Variants in PTPRD observed in about 807,000 individuals in gnomAD.
PTPRD encodes protein tyrosine phosphatase receptor type D.
Under a neutral mutation model 214.5 loss-of-function variants are expected in PTPRD, and 34 were observed. The ratio of observed to expected loss-of-function variants is 0.16; its 90% CI spans 0.12 to 0.21. PTPRD has a LOEUF of 0.21. Among genes scored for constraint, PTPRD ranks in the 10% least tolerant of loss-of-function variants. The pLI, the probability that PTPRD is intolerant of heterozygous loss-of-function variation, is 1.00. For missense variants in PTPRD, 2,545 were observed against 2,398.7 expected, an observed-to-expected ratio of 1.06 and a Z score of -1.27; for synonymous variants, 1,128 against 845.7, an observed-to-expected ratio of 1.33 and a Z score of -5.79.
At chr9:8,550,156 C>T (rs1269891010) in intron 14 of PTPRD, among the ~76,000 whole-genome samples, 1 of 152,138 alleles carries the variant, frequency 6.6e-6, no homozygotes, top group Non-Finnish European at 1.5e-5. Flanking sequence ...ATTAGGAAAA[C>T]AAAAAGTTGT....
At chr9:10,091,024 C>T (rs946349823) in intron 3 of PTPRD, among the ~76,000 whole-genome samples, 2 of 150,296 alleles carry the variant, frequency 1.3e-5, no homozygotes, top group Non-Finnish European at 3.0e-5. Flanking sequence ...TGACATTAGT[C>T]GCTGCTGTCA....
chr9:8,971,110 C>G (rs2099235509), intron 11 of PTPRD, among the ~76,000 whole-genome samples: 1 of 151,710 alleles, frequency 6.6e-6, no homozygotes, highest in South Asian at 2.1e-4. Context: ...AACAATTCTT[C>G]AAATGTGTCA....
intron 3 of PTPRD, among the ~76,000 whole-genome samples, chr9:10,188,357 G>C (rs1399626892): frequency 1.3e-5 from 2 of 152,072 alleles, no homozygotes. Context: ...TTAGGAGTGA[G>C]AAATTACTTG....
chr9:9,837,692 G>C (rs56406216), intron 5 of PTPRD, among the ~76,000 whole-genome samples: 7,034 of 152,058 alleles, frequency 0.046, 516 homozygotes, highest in African/African-American at 0.16. Flanking sequence ...TAATAACAGT[G>C]GTAGCATCCT....
chr9:10,097,749 G>T (rs985767096), intron 3 of PTPRD, among the ~76,000 whole-genome samples: 6 of 151,836 alleles, frequency 4.0e-5, no homozygotes, highest in East Asian at 2.0e-4. Flanking sequence ...CTGCCTGATT[G>T]CCCTGGCCAG....
intron 8 of PTPRD, among the ~76,000 whole-genome samples, chr9:9,477,845 G>A (rs1251472428): frequency 6.6e-6 from 1 of 152,034 alleles, no homozygotes; most frequent in African/African-American, 2.4e-5. Context: ...CCAATGTTAA[G>A]GAAGAATAAT....
intron 8 of PTPRD, among the ~76,000 whole-genome samples, chr9:9,411,421 G>A (rs936423521): frequency 2.0e-5 from 3 of 152,184 alleles, no homozygotes; most frequent in African/African-American, 4.8e-5. Flanking sequence ...GTGGGTTTGT[G>A]TGGAAATAGT....
At chr9:9,688,484 G>T (rs528852253) in intron 7 of PTPRD, among the ~76,000 whole-genome samples, 3 of 151,774 alleles carry the variant, frequency 2.0e-5, no homozygotes, top group Non-Finnish European at 4.4e-5. Flanking sequence ...GTTTTGTCTG[G>T]GTAAATGAGC....
chr9:8,802,780 G>A (rs2096597600), intron 11 of PTPRD, among the ~76,000 whole-genome samples: 1 of 152,196 alleles, frequency 6.6e-6, no homozygotes, highest in South Asian at 2.1e-4. Context: ...GGCTAGGAGT[G>A]GTGGCTTAAA....
chr9:8,733,171 G>T (rs2098678777), intron 12 of PTPRD, among the ~76,000 whole-genome samples: 1 of 152,110 alleles, frequency 6.6e-6, no homozygotes, highest in Non-Finnish European at 1.5e-5. Context: ...TTCATAAATT[G>T]AGTCCAGTAA....
Position 8,733,837 on chromosome 9 carries a change from G to T in PTPRD, c.7C>A (p.His3Asn). The change falls in exon 12 of 46, where the codon CAC becomes AAC. Residue 3 changes from histidine (H) to asparagine (N), a missense_variant. By Grantham distance (68) the His-to-Asn change is moderately conservative (BLOSUM62 1). Coordinates refer to ENST00000381196, the MANE Select transcript of PTPRD (RefSeq NM_002839.4). MVHVARLLLLLLT... is the reference protein window; with the variant it reads MVNVARLLLLLLT... ...AGCAGCAGCAGCAGCCTGGCTACGT[G>T]CACCATCCTGCAGCTTGGCAGCAGC... 6.4e-6 allele frequency: 10 copies of T among 1,551,410 alleles called. No individual in the cohort carries two copies. Among genetic ancestry groups the T allele is most frequent in the Non-Finnish European group, 8.7e-6 (10 of 1,147,170 alleles).
intron 4 of PTPRD, among the ~76,000 whole-genome samples, chr9:9,957,509 T>C (rs1002773634): frequency 2.6e-5 from 4 of 152,136 alleles, no homozygotes; most frequent in Non-Finnish European, 5.9e-5. Flanking sequence ...TTAAAAATAA[T>C]TGAAATTAAA....
chr9:8,662,323 C>T (rs1281400351), intron 12 of PTPRD, among the ~76,000 whole-genome samples: 2 of 152,138 alleles, frequency 1.3e-5, no homozygotes, highest in East Asian at 3.9e-4. Flanking sequence ...AACAAACAAA[C>T]AAACAAACAA....
At chr9:8,402,650 C>T (rs1348177930) in intron 36 of PTPRD, among the ~76,000 whole-genome samples, 2 of 151,524 alleles carry the variant, frequency 1.3e-5, no homozygotes, top group Non-Finnish European at 2.9e-5. Context: ...TTTAGTTTTT[C>T]ATTTATTATG....
intron 3 of PTPRD, among the ~76,000 whole-genome samples, chr9:10,148,418 A>T (rs2099038646): frequency 6.6e-6 from 1 of 152,192 alleles, no homozygotes; most frequent in African/African-American, 2.4e-5. Context: ...TACAGTCTAG[A>T]AAATGAGTAC....
At position 10,557,391 on chromosome 9, in the gene PTPRD, C is replaced by T. The variant is rs143289470; in HGVS notation, c.-600+55007G>A. ...CGCAGCATTCTTTCTCTCTTTCTCC[C>T]TCTCTCCTCCCTCTCCCTAACCTTT... On this transcript the variant is annotated intron_variant, in intron 2 of 45. Transcript: ENST00000381196. 5.2e-3 allele frequency among the ~76,000 whole-genome samples: 787 copies of T among 152,228 alleles called. 8 individuals carry two copies. The highest frequency in any genetic ancestry group is 0.018 in the African/African-American group (732 of 41,554).
chr9:9,615,704 T>A (rs2094818553), intron 7 of PTPRD, among the ~76,000 whole-genome samples: 1 of 152,220 alleles, frequency 6.6e-6, no homozygotes, highest in Admixed American at 6.5e-5. Context: ...TAAGGGCTAC[T>A]ACTTAGTGTG....
chr9:9,984,286 A>T lies in PTPRD; in HGVS notation c.-471-45676T>A, dbSNP rs574455597. On this transcript the variant is annotated intron_variant, in intron 4 of 45. Coordinates refer to ENST00000381196, the MANE Select transcript of PTPRD (RefSeq NM_002839.4). ...AAAAATTATTAAATCATGAAAAAAGATTATAGAATATAAGAAAACTTTTCT... is the reference window on the plus strand; with the variant it reads ...AAAAATTATTAAATCATGAAAAAAGTTTATAGAATATAAGAAAACTTTTCT... Among the ~76,000 whole-genome samples, 7 of 152,338 alleles carry T rather than the reference A, an allele frequency of 4.6e-5. No individual in the cohort carries two copies. In the East Asian group the frequency reaches 1.2e-3, roughly 25 times the overall value.
intron 12 of PTPRD, among the ~76,000 whole-genome samples, chr9:8,712,577 T>C (rs556420477): frequency 1.3e-5 from 2 of 152,282 alleles, no homozygotes; most frequent in Non-Finnish European, 2.9e-5. Flanking sequence ...AGAGACAGAA[T>C]GCACTGAAAA....
Sources: gnomAD v4.1 joint callset for allele counts (sites outside exome capture counted in the v4.1 genomes callset) on GRCh38, gnomAD v4.1.1 for gene constraint, MANE v1.5 for transcripts, NCBI Gene and HGNC (gene_info 2026-07-23, HGNC 2026-07-21) for gene names.